Variants in SNX27 observed in about 807,000 individuals in gnomAD.
SNX27 encodes the protein sorting nexin 27, also known as sorting nexin-27.
SNX27 carries 22 observed loss-of-function variants against 71.6 expected under a neutral mutation model. That is an observed-to-expected ratio of 0.31 (90% CI 0.22 to 0.44). The LOEUF (loss-of-function observed/expected upper bound fraction) is 0.44. SNX27 is among the 20% of genes least tolerant of loss of function. SNX27 has a pLI of 1.00. For missense variants in SNX27, 531 were observed against 698.6 expected (o/e 0.76, Z 2.70); for synonymous variants, 269 against 277.2 (o/e 0.97, Z 0.29).
At chr1:151,646,111 G>A (rs1669022553) in intron 2 of SNX27, among the ~76,000 whole-genome samples, 1 of 151,730 alleles carries the variant, frequency 6.6e-6, no homozygotes, top group Admixed American at 6.6e-5. Flanking sequence ...TTTATCCCTG[G>A]TAATATTCTT....
At chr1:151,651,982 T>C (rs1469259446) in intron 2 of SNX27, among the ~76,000 whole-genome samples, 1 of 152,140 alleles carries the variant, frequency 6.6e-6, no homozygotes, top group Non-Finnish European at 1.5e-5. Flanking sequence ...GGCGGATCAC[T>C]TGCGGTTAGG....
At chr1:151,672,686 C>T (rs1382014032) in intron 7 of SNX27, among the ~76,000 whole-genome samples, 2 of 151,982 alleles carry the variant, frequency 1.3e-5, no homozygotes, top group South Asian at 4.1e-4. Flanking sequence ...TTAGTATGTT[C>T]AGGTTTTGGA....
At chr1:151,675,810 C>CTTTCTTTTTTTTTT (rs1670665258) in intron 7 of SNX27, 1 of 31,464 alleles carries the variant, frequency 3.2e-5, no homozygotes, top group Non-Finnish European at 6.0e-5. Context: ...TTCTTTCTTT[C>CTTTCTTTTTTTTTT]TTTTTTTTTT....
chr1:151,644,402 T>A (rs773761123), intron 2 of SNX27, among the ~76,000 whole-genome samples: 2 of 152,240 alleles, frequency 1.3e-5, no homozygotes, highest in African/African-American at 2.4e-5. Flanking sequence ...TTTTTGTAAC[T>A]GGCTTCTTTC....
At chr1:151,653,838 T>TTTG (rs1553259949) in intron 2 of SNX27, among the ~76,000 whole-genome samples, 1 of 147,750 alleles carries the variant, frequency 6.8e-6, no homozygotes, top group Non-Finnish European at 1.5e-5. Context: ...TTTTTTTTGT[T>TTTG]TTTTTTTTTT....
intron 8 of SNX27, among the ~76,000 whole-genome samples, chr1:151,683,792 G>A (rs763697186): frequency 2.0e-5 from 3 of 152,010 alleles, no homozygotes; most frequent in South Asian, 2.1e-4. Flanking sequence ...TCAGCTTCCC[G>A]AGTAGCTGGG....
intron 8 of SNX27, among the ~76,000 whole-genome samples, chr1:151,690,273 C>CTT (rs1358661408): frequency 6.6e-6 from 1 of 152,206 alleles, no homozygotes; most frequent in African/African-American, 2.4e-5. Flanking sequence ...CACTCACATG[C>CTT]TTTTTTCCCC....
rs1373061590 is a variant in SNX27, at chr1:151,695,912, T to A, written c.*1495T>A. ...TCTCTGTGACTTCCTTAAACAGCAG[T>A]GATGGGAAGGGATCCAATAGTATCT... On this transcript the variant is annotated 3_prime_UTR_variant, in exon 12 of 12. Coordinates refer to ENST00000458013, the MANE Select transcript of SNX27 (RefSeq NM_001330723.2). The A allele has an allele frequency of 6.6e-6, 1 of 152,272 alleles. No homozygotes were observed. The highest frequency in any genetic ancestry group is 1.5e-5 in the Non-Finnish European group (1 of 68,138). The allele number at this position is 152,272 out of a possible 1,614,324, so 9.4% of individuals were successfully genotyped here.
chr1:151,631,865 G>T (rs550169972), intron 1 of SNX27, among the ~76,000 whole-genome samples: 1 of 152,012 alleles, frequency 6.6e-6, no homozygotes, highest in Admixed American at 6.6e-5. Context: ...TTGTAAAGGC[G>T]GAGTCCCACC....
intron 2 of SNX27, among the ~76,000 whole-genome samples, chr1:151,651,746 C>A (rs1318373135): frequency 6.6e-6 from 1 of 151,870 alleles, no homozygotes. Flanking sequence ...GGGCTCCTCA[C>A]ATCCCAGATG....
At chr1:151,663,519 A>G (rs568940423) in intron 5 of SNX27, among the ~76,000 whole-genome samples, 9 of 150,802 alleles carry the variant, frequency 6.0e-5, no homozygotes, top group African/African-American at 2.2e-4. Context: ...TTTTCATGCC[A>G]TTGTTTTGTT....
At position 151,694,591 on chromosome 1, in the gene SNX27, T is replaced by A. The variant is rs148061480; in HGVS notation, c.*174T>A. 1.6e-6 allele frequency: 1 copy of A among 635,876 alleles called. No individual in the cohort carries two copies. Among genetic ancestry groups the A allele is most frequent in the Non-Finnish European group, 2.5e-6 (1 of 398,432 alleles). The allele number at this position is 635,876 out of a possible 1,614,324, so 39.4% of individuals were successfully genotyped here. On this transcript the variant is annotated 3_prime_UTR_variant, in exon 12 of 12. Coordinates refer to ENST00000458013, the MANE Select transcript of SNX27 (RefSeq NM_001330723.2). ...CCCTCTGAATTTCATGTCTCTGGAA[T>A]TGAGGTGGTAGTGAACAGCAGATCG...
At chr1:151,651,791 A>T (rs1669395968) in intron 2 of SNX27, among the ~76,000 whole-genome samples, 1 of 151,798 alleles carries the variant, frequency 6.6e-6, no homozygotes, top group Non-Finnish European at 1.5e-5. Context: ...CTCACTTCCC[A>T]GACGGGGTGG....
intron 1 of SNX27, among the ~76,000 whole-genome samples, chr1:151,616,339 A>G (rs1196357): frequency 0.55 from 84,238 of 152,032 alleles, 24,940 homozygotes; most frequent in Non-Finnish European, 0.68. Context: ...GGATATGGAT[A>G]TAAAACTGTC....
At chr1:151,632,679 A>C (rs1231631721) in intron 1 of SNX27, among the ~76,000 whole-genome samples, 2 of 152,098 alleles carry the variant, frequency 1.3e-5, no homozygotes, top group Admixed American at 6.6e-5. Flanking sequence ...TATTTTATTT[A>C]AGCAGTTTTA....
intron 1 of SNX27, among the ~76,000 whole-genome samples, chr1:151,633,093 T>G (rs1361705283): frequency 1.3e-5 from 2 of 151,942 alleles, no homozygotes; most frequent in Admixed American, 6.6e-5. Flanking sequence ...AGGATGGTCT[T>G]GATCTCCTGA....
chr1:151,659,427 A>G (rs545665261), intron 3 of SNX27, among the ~76,000 whole-genome samples: 1 of 152,180 alleles, frequency 6.6e-6, no homozygotes, highest in East Asian at 1.9e-4. Flanking sequence ...TTGTATTTTT[A>G]GTAGAGACGG....
chr1:151,655,059 A>G (rs1314221509), intron 2 of SNX27, among the ~76,000 whole-genome samples: 2 of 151,940 alleles, frequency 1.3e-5, no homozygotes, highest in African/African-American at 4.8e-5. Context: ...TTGTGAATGC[A>G]GTGTGATTGG....
Position 151,696,255 on chromosome 1 carries a change from C to T in SNX27, c.*1838C>T, listed in dbSNP as rs1207771813. 6.6e-6 allele frequency: 1 copy of T among 152,206 alleles called. No individual in the cohort carries two copies. Among genetic ancestry groups the T allele is most frequent in the Non-Finnish European group, 1.5e-5 (1 of 68,028 alleles). The allele number at this position is 152,206 out of a possible 1,614,324, so 9.4% of individuals were successfully genotyped here. A position where few individuals can be genotyped will look rare whatever the true frequency, so the allele number is the denominator to read the frequency against. On this transcript the variant is annotated 3_prime_UTR_variant, in exon 12 of 12. Transcript: ENST00000458013. ...AGATAATGCATAAGAAGCACCAAGT[C>T]AGGCTCAGATGCAACTAAAACACAT...
Sources: allele counts gnomAD v4.1 joint callset (sites outside exome capture counted in the v4.1 genomes callset), GRCh38; gene constraint gnomAD v4.1.1; transcripts MANE v1.5; gene names NCBI Gene and HGNC (gene_info 2026-07-23, HGNC 2026-07-21).